The following UMAD1 variants were observed in gnomAD, a reference collection of about 807,000 sequenced individuals.
UMAD1 encodes UBAP1-MVB12-associated (UMA)-domain containing protein 1.
UMAD1 carries 8 observed loss-of-function variants against 6.1 expected under a neutral mutation model. The observed-to-expected ratio is 1.30, with a 90% CI of 0.76 to 2.35. The LOEUF (loss-of-function observed/expected upper bound fraction) is 2.35, where lower values mean the gene tolerates loss of function less well. Among genes scored for constraint, UMAD1 ranks in the 30% most tolerant of loss-of-function variants. The pLI, the probability that UMAD1 is intolerant of heterozygous loss-of-function variation, is 0.00. For missense variants in UMAD1, 130 were observed against 78.4 expected (o/e 1.66, Z -2.49); for synonymous variants, 56 against 31.4 (o/e 1.78, Z -2.61).
At chr7:7,872,908 C>G (rs1784357030) in intron 3 of UMAD1, among the ~76,000 whole-genome samples, 1 of 151,942 alleles carries the variant, frequency 6.6e-6, no homozygotes, top group African/African-American at 2.4e-5. Flanking sequence ...AGAGAGAAAG[C>G]AAGAAATAAA....
chr7:7,825,274 T>C (rs1273346724), intron 3 of UMAD1, among the ~76,000 whole-genome samples: 2 of 152,218 alleles, frequency 1.3e-5, no homozygotes, highest in Non-Finnish European at 2.9e-5. Context: ...TAGTCAATTA[T>C]ATTGATACGT....
intron 3 of UMAD1, among the ~76,000 whole-genome samples, chr7:7,833,112 T>C (rs1200151690): frequency 6.6e-6 from 1 of 152,022 alleles, no homozygotes; most frequent in Non-Finnish European, 1.5e-5. Context: ...CCCTGAAAGT[T>C]TGGCAGGAAA....
At chr7:7,796,298 CTGGAG>C (rs927664486) in intron 2 of UMAD1, among the ~76,000 whole-genome samples, 2 of 113,214 alleles carry the variant, frequency 1.8e-5, no homozygotes, top group Non-Finnish European at 3.2e-5. Flanking sequence ...CTTGCCCAGG[CTGGAG>C]TGCAATGGCA....
At chr7:7,719,091 G>GTT (rs5882135) in intron 2 of UMAD1, among the ~76,000 whole-genome samples, 5 of 151,772 alleles carry the variant, frequency 3.3e-5, no homozygotes, top group Non-Finnish European at 7.4e-5. Context: ...TTTAAGAACT[G>GTT]TTTTTTTCTG....
At chr7:7,825,408 A>C (rs906204574) in intron 3 of UMAD1, among the ~76,000 whole-genome samples, 1 of 152,148 alleles carries the variant, frequency 6.6e-6, no homozygotes, top group Admixed American at 6.6e-5. Context: ...CAAAAGAAAG[A>C]GGTTTTAGGA....
At chr7:7,796,244 CTTTTTTTTTT>C (rs59221325) in intron 2 of UMAD1, among the ~76,000 whole-genome samples, 2 of 63,978 alleles carry the variant, frequency 3.1e-5, no homozygotes, top group African/African-American at 2.0e-4. Flanking sequence ...TATTTTCTTT[CTTTTTTTTTT>C]TTTTTTTTTT....
At chr7:7,674,805 C>T (rs1253316218) in intron 2 of UMAD1, among the ~76,000 whole-genome samples, 4 of 152,136 alleles carry the variant, frequency 2.6e-5, no homozygotes, top group South Asian at 2.1e-4. Context: ...GAATTAGCCT[C>T]GCTAACAGAA....
intron 2 of UMAD1, chr7:7,741,159 A>G (rs984000705): frequency 3.9e-5 from 6 of 152,068 alleles, no homozygotes; most frequent in Non-Finnish European, 7.3e-5. Context: ...TAAAGCTTCT[A>G]TTTTGTATGA....
intron 2 of UMAD1, among the ~76,000 whole-genome samples, chr7:7,794,479 G>A (rs1050215967): frequency 1.5e-4 from 23 of 152,184 alleles, no homozygotes; most frequent in Non-Finnish European, 4.4e-5. Flanking sequence ...ACAACAGACT[G>A]AACGGACCCC....
At chr7:7,780,202 C>T (rs1335002769) in intron 2 of UMAD1, among the ~76,000 whole-genome samples, 2 of 152,224 alleles carry the variant, frequency 1.3e-5, no homozygotes, top group Non-Finnish European at 2.9e-5. Context: ...CACACATCCT[C>T]TAACCACCCC....
chr7:7,718,021 T>C (rs970587943), intron 2 of UMAD1, among the ~76,000 whole-genome samples: 1 of 152,356 alleles, frequency 6.6e-6, no homozygotes, highest in South Asian at 2.1e-4. Context: ...GTTTTTAGAA[T>C]TGACACAATG....
At chr7:7,692,896 C>T (rs569040690) in intron 2 of UMAD1, among the ~76,000 whole-genome samples, 2 of 152,202 alleles carry the variant, frequency 1.3e-5, no homozygotes, top group South Asian at 2.1e-4. Flanking sequence ...CATGAGCCAC[C>T]GTGCCTGGCC....
chr7:7,723,634 A>G (rs921510535), intron 2 of UMAD1, among the ~76,000 whole-genome samples: 3 of 152,190 alleles, frequency 2.0e-5, no homozygotes, highest in Non-Finnish European at 2.9e-5. Flanking sequence ...ATCTTTCAAG[A>G]GCCCGATAAT....
At chr7:7,674,943 A>T (rs1349148508) in intron 2 of UMAD1, among the ~76,000 whole-genome samples, 2 of 152,036 alleles carry the variant, frequency 1.3e-5, no homozygotes, top group Non-Finnish European at 2.9e-5. Flanking sequence ...CTGATTTTAA[A>T]ATACCTCTGA....
At chr7:7,720,440 C>A (rs556024035) in intron 2 of UMAD1, among the ~76,000 whole-genome samples, 38 of 151,980 alleles carry the variant, frequency 2.5e-4, no homozygotes, top group Non-Finnish European at 4.6e-4. Flanking sequence ...CATTTCCCCC[C>A]CTAACTTACT....
chr7:7,656,312 A>C (rs1465890721), intron 1 of UMAD1, among the ~76,000 whole-genome samples: 1 of 152,016 alleles, frequency 6.6e-6, no homozygotes, highest in African/African-American at 2.4e-5. Flanking sequence ...GTATTTAAAA[A>C]AATTTTTTTT....
rs191337703 is a variant in UMAD1, at chr7:7,871,496, C to T, written c.157-5785C>T. 3.7e-4 allele frequency among the ~76,000 whole-genome samples: 57 copies of T among 152,242 alleles called. 1 individual carries two copies. Among genetic ancestry groups the T allele is most frequent in the Admixed American group, 9.8e-4 (15 of 15,300 alleles). On this transcript the variant is annotated intron_variant, in intron 3 of 3. Coordinates refer to ENST00000682710, the MANE Select transcript of UMAD1 (RefSeq NM_001302348.2). The stretch of plus-strand genomic sequence containing the variant: ...GTTTCCTCTTGTCTTTAATACGGGA[C>T]TAATAGGAGCACATACCCTTACAAG...
intron 2 of UMAD1, among the ~76,000 whole-genome samples, chr7:7,767,693 T>C (rs1318062691): frequency 6.6e-6 from 1 of 152,214 alleles, no homozygotes; most frequent in African/African-American, 2.4e-5. Flanking sequence ...AGAGCCTTGT[T>C]TATATTTATG....
chr7:7,643,433 G>A (rs1436488599), intron 1 of UMAD1, among the ~76,000 whole-genome samples: 1 of 152,276 alleles, frequency 6.6e-6, no homozygotes, highest in East Asian at 1.9e-4. Context: ...GATCAGGGCC[G>A]GGCGCGGTGG....
Sources: gnomAD v4.1 joint callset for allele counts (sites outside exome capture counted in the v4.1 genomes callset) on GRCh38, gnomAD v4.1.1 for gene constraint, MANE v1.5 for transcripts, NCBI Gene and HGNC (gene_info 2026-07-23, HGNC 2026-07-21) for gene names.